Variants in SLURP2 observed in about 807,000 individuals in gnomAD.
The protein encoded by SLURP2 is secreted Ly-6/uPAR domain-containing protein 2.
SLURP2 carries 4 observed loss-of-function variants against 9.8 expected under a neutral mutation model. The ratio of observed to expected loss-of-function variants is 0.41; its 90% CI spans 0.20 to 0.94. The LOEUF (loss-of-function observed/expected upper bound fraction) is 0.94. SLURP2 is among the 40% of genes least tolerant of loss of function. The probability of loss-of-function intolerance (pLI) is 0.32; values close to 1 mark genes in which losing one functional copy is unlikely to be tolerated. For synonymous variants in SLURP2, 58 were observed against 56.2 expected (o/e 1.03, Z -0.15); for missense variants, 118 against 126.4 (o/e 0.93, Z 0.32).
Position 142,768,840 on chromosome 8 carries a change from C to A in SLURP2, c.52+915G>T, listed in dbSNP as rs1229155698. On this transcript the variant is annotated intron_variant, in intron 1 of 2. Coordinates refer to ENST00000317543, the MANE Select transcript of SLURP2 (RefSeq NM_177458.3). The surrounding 1 kb of genome is among the most constrained non-coding windows in gnomAD (Gnocchi z 4.8). Reference sequence around the variant, plus strand: ...GGAGACTGGAGGGATGTAAGAGACACCTGAGCCAGCGCCAGGGACTCACCG... The same window carrying A: ...GGAGACTGGAGGGATGTAAGAGACAACTGAGCCAGCGCCAGGGACTCACCG... Among the ~76,000 whole-genome samples the A allele has an allele frequency of 6.6e-6, 1 of 152,098 alleles. No individual in the cohort carries two copies. The highest frequency in any genetic ancestry group is 2.4e-5 in the African/African-American group (1 of 41,412).
At chr8:142,765,474 G>T (rs13272346) in intron 1 of SLURP2, among the ~76,000 whole-genome samples, 12 of 71,032 alleles carry the variant, frequency 1.7e-4, no homozygotes, top group African/African-American at 4.7e-4. Flanking sequence ...AGGGTGGGGG[G>T]TGGGGAGGAG....
chr8:142,764,846 T>C, intron 2 of SLURP2, 105 bp from the exon 3 acceptor site: 1 of 1,423,544 alleles, frequency 7.0e-7, no homozygotes, highest in Non-Finnish European at 9.8e-7. Context: ...CCCAGGTACA[T>C]GAAGCATACG....
intron 1 of SLURP2, among the ~76,000 whole-genome samples, chr8:142,765,857 G>A (rs1438027275): frequency 6.6e-6 from 1 of 151,994 alleles, no homozygotes; most frequent in African/African-American, 2.4e-5. Context: ...CAGCTACTCA[G>A]GAGGCTGAGG....
At chr8:142,764,831 G>T (rs1375324721) in intron 2 of SLURP2, 90 bp from the exon 3 acceptor site, 6 of 1,496,702 alleles carry the variant, frequency 4.0e-6, no homozygotes, top group Non-Finnish European at 4.6e-6. Flanking sequence ...CTGAGGGTCA[G>T]ACGCCCCAGG....
At chr8:142,769,609 G>T in intron 1 of SLURP2, 146 bp downstream of exon 1, 1 of 690,916 alleles carries the variant, frequency 1.4e-6, no homozygotes, top group South Asian at 1.9e-5. Flanking sequence ...GGAGGCTTTC[G>T]GAGGAAAGCT....
chr8:142,767,271 G>T (rs950474381), intron 1 of SLURP2, among the ~76,000 whole-genome samples: 1 of 152,244 alleles, frequency 6.6e-6, no homozygotes, highest in Non-Finnish European at 1.5e-5. Context: ...CGGAGAGCAA[G>T]CTGAGACCCC....
chr8:142,769,638 G>A, intron 1 of SLURP2, 117 bp downstream of exon 1: 2 of 868,056 alleles, frequency 2.3e-6, no homozygotes, highest in South Asian at 1.6e-5. Context: ...TAGATGGTGG[G>A]GGGACAGGAA....
chr8:142,768,260 G>A lies in SLURP2; in HGVS notation c.52+1495C>T, dbSNP rs1349020684. Among the ~76,000 whole-genome samples, 3 of 150,424 alleles carry A rather than the reference G, an allele frequency of 2.0e-5. No individual in the cohort carries two copies. Among genetic ancestry groups the A allele is most frequent in the African/African-American group, 7.3e-5 (3 of 40,828 alleles). On this transcript the variant is annotated intron_variant, in intron 1 of 2. Coordinates refer to ENST00000317543, the MANE Select transcript of SLURP2 (RefSeq NM_177458.3). This position sits in a 1 kb window ranked among gnomAD's most constrained non-coding sequence, Gnocchi z 4.8. Reference sequence around the variant, plus strand: ...GGGGAGGGGGCAGGAATAATGGAGGGACAAACAGGATGGTGGGATGGGCTC... The same window carrying A: ...GGGGAGGGGGCAGGAATAATGGAGGAACAAACAGGATGGTGGGATGGGCTC...
In SLURP2 at chr8:142,764,746, G is replaced by C; in HGVS notation, c.158-5C>G. On this transcript the variant is annotated splice_region_variant and splice_polypyrimidine_tract_variant and intron_variant, in intron 2 of 2. Transcript: ENST00000317543. ...CCTCGGTGTTGCTGAGGACCCCTGA[G>C]TGGGCAGGAGAGAAACCATGGAGCT... 6.2e-7 allele frequency: 1 copy of C among 1,612,828 alleles called. No individual in the cohort carries two copies. Among genetic ancestry groups the C allele is most frequent in the Non-Finnish European group, 8.5e-7 (1 of 1,179,618 alleles).
chr8:142,765,220 A>T, intron 1 of SLURP2, 80 bp from the exon 2 acceptor site: 1 of 1,067,516 alleles, frequency 9.4e-7, no homozygotes, highest in Non-Finnish European at 1.4e-6. Flanking sequence ...GCACGCACTC[A>T]TCTCCACCCA....
Position 142,765,107 on chromosome 8 carries a change from G to A in SLURP2, c.86C>T (p.Thr29Met), listed in dbSNP as rs36031063. Residue 29 changes from threonine (T) to methionine (M), a missense_variant, in exon 2 of 3, where the codon ACG becomes ATG. By Grantham distance (81) the Thr-to-Met change is moderately conservative. Coordinates refer to ENST00000317543, the MANE Select transcript of SLURP2 (RefSeq NM_177458.3). ...TCCATGGGAGCACCCTCCGAAGCCC[G>A]TGCACTGGTGACACCATATGGCTTC... Reference protein sequence around the residue: ...AAEAIWCHQCTGFGGCSHGSR... With the variant: ...AAEAIWCHQCMGFGGCSHGSR... The A allele has an allele frequency of 2.5e-3, 4,072 of 1,612,212 alleles. 91 individuals are homozygous for A. The African/African-American group carries it at 0.042, about 17-fold the overall frequency.
At chr8:142,765,871 G>A (rs1366396513) in intron 1 of SLURP2, among the ~76,000 whole-genome samples, 1 of 152,032 alleles carries the variant, frequency 6.6e-6, no homozygotes, top group Admixed American at 6.5e-5. Flanking sequence ...GCTGAGGCAG[G>A]AGAATTGCTT....
In SLURP2 at chr8:142,768,786, T is replaced by C. The variant is rs899769313; in HGVS notation, c.52+969A>G. ...TCCTCAGGGTCAGCGGCTCAGCCTC[T>C]CATAGGCCAGGAGGGTGCCCCTGGG... On this transcript the variant is annotated intron_variant, in intron 1 of 2. Coordinates refer to ENST00000317543, the MANE Select transcript of SLURP2 (RefSeq NM_177458.3). The surrounding 1 kb of genome is among the most constrained non-coding windows in gnomAD (Gnocchi z 4.8). 5.9e-5 allele frequency among the ~76,000 whole-genome samples: 9 copies of C among 152,202 alleles called. No individual in the cohort carries two copies. The highest frequency in any genetic ancestry group is 3.4e-3 in the Middle Eastern group (1 of 294).
intron 1 of SLURP2, among the ~76,000 whole-genome samples, chr8:142,769,438 G>A (rs1388354401): frequency 2.6e-5 from 4 of 150,954 alleles, no homozygotes; most frequent in South Asian, 4.2e-4. Flanking sequence ...GTGTGTGCAC[G>A]TGCACGAAGG....
At chr8:142,769,384 G>A (rs1288312335) in intron 1 of SLURP2, among the ~76,000 whole-genome samples, 1 of 151,904 alleles carries the variant, frequency 6.6e-6, no homozygotes, top group Non-Finnish European at 1.5e-5. Context: ...AACCAGCTGG[G>A]AGGCCAGGCC....
chr8:142,767,876 G>T (rs1339770707), intron 1 of SLURP2, among the ~76,000 whole-genome samples: 1 of 150,520 alleles, frequency 6.6e-6, no homozygotes. Flanking sequence ...TGAGGCCCAG[G>T]AGAGGCTTGC....
chr8:142,764,867 G>A, intron 2 of SLURP2, 126 bp from the exon 3 acceptor site: 2 of 1,266,028 alleles, frequency 1.6e-6, no homozygotes, highest in Non-Finnish European at 2.3e-6. Flanking sequence ...GGCCCTCCTG[G>A]GGCAGACGTG....
chr8:142,769,224 TG>T (rs1815095566), intron 1 of SLURP2, among the ~76,000 whole-genome samples: 1 of 17,870 alleles, frequency 5.6e-5, no homozygotes, highest in Non-Finnish European at 1.1e-4. Context: ...GGTCGAGGGT[TG>T]GGGGATGGGG....
rs1340278862 is a variant in SLURP2, at chr8:142,768,708, T to G, written c.52+1047A>C. On this transcript the variant is annotated intron_variant, in intron 1 of 2. Coordinates refer to ENST00000317543, the MANE Select transcript of SLURP2 (RefSeq NM_177458.3). This position sits in a 1 kb window ranked among gnomAD's most constrained non-coding sequence, Gnocchi z 4.8. ...GTTAAGTCGAGTCCCCAGGCCCCTG[T>G]GTGTCTCGGACCTTCAGCACAGAGC... 6.6e-6 allele frequency among the ~76,000 whole-genome samples: 1 copy of G among 152,162 alleles called. No individual in the cohort carries two copies. Among genetic ancestry groups the G allele is most frequent in the South Asian group, 2.1e-4 (1 of 4,828 alleles).
Sources: allele counts gnomAD v4.1 joint callset (sites outside exome capture counted in the v4.1 genomes callset), GRCh38; gene constraint gnomAD v4.1.1; non-coding constraint Gnocchi (gnomAD v3.1); transcripts MANE v1.5; gene names NCBI Gene and HGNC (gene_info 2026-07-23, HGNC 2026-07-21).